The following MAML3 variants were observed in gnomAD, a reference collection of about 807,000 sequenced individuals.
MAML3 encodes the protein mastermind like transcriptional coactivator 3, also known as mastermind-like protein 3.
In MAML3, 27 loss-of-function variants were observed where a neutral mutation model predicts 101.9. The ratio of observed to expected loss-of-function variants is 0.27; its 90% CI spans 0.20 to 0.37. MAML3 has a LOEUF of 0.37. Ranked by LOEUF, MAML3 falls within the 10% of genes least tolerant of loss-of-function variation. The pLI is 1.00. For missense variants in MAML3, 1,316 were observed against 1,444.9 expected, an observed-to-expected ratio of 0.91 and a Z score of 1.45; for synonymous variants, 501 against 555.9, an observed-to-expected ratio of 0.90 and a Z score of 1.39.
At chr4:140,022,608 T>C (rs1252571317) in intron 1 of MAML3, among the ~76,000 whole-genome samples, 1 of 152,170 alleles carries the variant, frequency 6.6e-6, no homozygotes, top group African/African-American at 2.4e-5. Context: ...ATTAACTTGG[T>C]TCTAGAAATA....
intron 1 of MAML3, among the ~76,000 whole-genome samples, chr4:140,123,129 TACAG>T (rs1728635294): frequency 6.7e-6 from 1 of 148,554 alleles, no homozygotes; most frequent in Non-Finnish European, 1.5e-5. Flanking sequence ...TTTTTAAAGA[TACAG>T]CTACAATCAA....
Position 139,798,036 on chromosome 4 carries a change from GAAAGAA to G in MAML3, c.2080-67375_2080-67370del, listed in dbSNP as rs1344648283. ...AGGAAGGAAAGAAAGGAGAGAGAGAGAAAGAAAGAAAGAAAGAAAGAAAGAAAGAAA... is the reference window on the plus strand; with the variant it reads ...AGGAAGGAAAGAAAGGAGAGAGAGAGAGAAAGAAAGAAAGAAAGAAAGAAA... On this transcript the variant is annotated intron_variant, in intron 2 of 4. Transcript: ENST00000509479. Among the ~76,000 whole-genome samples the G allele has an allele frequency of 3.8e-4, 3 of 7,830 alleles. No individual in the cohort carries two copies. In the East Asian group the frequency reaches 0.033, roughly 85 times the overall value. 5.1% of individuals were successfully genotyped at this position (7,830 alleles called of 152,430 possible). A position where few individuals can be genotyped will look rare whatever the true frequency, so the allele number is the denominator to read the frequency against.
At chr4:139,845,230 AAAG>A (rs1430190449) in intron 2 of MAML3, among the ~76,000 whole-genome samples, 5 of 152,332 alleles carry the variant, frequency 3.3e-5, no homozygotes, top group South Asian at 2.1e-4. Flanking sequence ...AGAAGATGGG[AAAG>A]AAGAAGTGAG....
intron 2 of MAML3, among the ~76,000 whole-genome samples, chr4:139,746,798 T>C (rs1729338121): frequency 6.6e-6 from 1 of 152,210 alleles, no homozygotes; most frequent in Non-Finnish European, 1.5e-5. Flanking sequence ...CAAACTATGA[T>C]TATGTTTTCT....
chr4:140,114,804 T>C (rs1172601711), intron 1 of MAML3, among the ~76,000 whole-genome samples: 4 of 152,308 alleles, frequency 2.6e-5, no homozygotes, highest in African/African-American at 9.6e-5. Context: ...TACTGTGGAG[T>C]GTACCTTTAA....
At chr4:139,972,057 T>G (rs1734242637) in intron 1 of MAML3, among the ~76,000 whole-genome samples, 1 of 152,252 alleles carries the variant, frequency 6.6e-6, no homozygotes, top group South Asian at 2.1e-4. Context: ...TTCTTTTTTT[T>G]TAAAATTTCC....
chr4:140,093,674 C>T (rs1282030282), intron 1 of MAML3, among the ~76,000 whole-genome samples: 3 of 151,976 alleles, frequency 2.0e-5, no homozygotes, highest in Non-Finnish European at 2.9e-5. Context: ...GTGATCCGCC[C>T]GTCTCGGCCG....
At chr4:139,780,327 A>G (rs578249458) in intron 2 of MAML3, among the ~76,000 whole-genome samples, 3 of 152,312 alleles carry the variant, frequency 2.0e-5, no homozygotes, top group East Asian at 3.9e-4. Flanking sequence ...GCGGTAAAGA[A>G]GAGAATTGGG....
chr4:139,993,152 G>A (rs927429274), intron 1 of MAML3, among the ~76,000 whole-genome samples: 1 of 152,064 alleles, frequency 6.6e-6, no homozygotes, highest in African/African-American at 2.4e-5. Flanking sequence ...AGGAGTTGGA[G>A]ATCAGCCTGG....
intron 2 of MAML3, among the ~76,000 whole-genome samples, chr4:139,804,328 G>A (rs1010486967): frequency 1.1e-4 from 16 of 151,172 alleles, no homozygotes; most frequent in Admixed American, 2.0e-4. Context: ...GTGCAATGGC[G>A]TGATCTTGAC....
At chr4:139,892,719 A>T (rs1732526138) in intron 1 of MAML3, among the ~76,000 whole-genome samples, 1 of 151,552 alleles carries the variant, frequency 6.6e-6, no homozygotes, top group Non-Finnish European at 1.5e-5. Flanking sequence ...CGGTCAGGAG[A>T]TTGAGACCAC....
intron 1 of MAML3, among the ~76,000 whole-genome samples, chr4:140,073,387 G>A (rs532600901): frequency 1.3e-5 from 2 of 151,994 alleles, no homozygotes; most frequent in African/African-American, 2.4e-5. Flanking sequence ...ATCCACCCAC[G>A]TAGGTCTCCC....
intron 1 of MAML3, among the ~76,000 whole-genome samples, chr4:139,894,511 AAAAGAAAGAAAGAAAGAAAGAAAGAAAG>A (rs58209239): frequency 1.5e-5 from 2 of 136,388 alleles, no homozygotes; most frequent in African/African-American, 5.6e-5. Context: ...TCCATCTTAA[AAAAGAAAGAAAGAAAGAAAGAAAGAAAG>A]AAAGAAAGAA....
At chr4:139,827,372 C>A (rs765735420) in intron 2 of MAML3, among the ~76,000 whole-genome samples, 6 of 152,288 alleles carry the variant, frequency 3.9e-5, no homozygotes, top group Non-Finnish European at 8.8e-5. Context: ...TGAAAAGGAG[C>A]TGTGGACTGG....
At chr4:140,119,540 AT>A (rs918850044) in intron 1 of MAML3, among the ~76,000 whole-genome samples, 4 of 150,988 alleles carry the variant, frequency 2.6e-5, no homozygotes, top group Admixed American at 2.0e-4. Flanking sequence ...GGGATACACA[AT>A]TTTTTTTTCT....
At chr4:140,152,811 A>ACCCCCCCCCC in intron 1 of MAML3, 49 bp downstream of exon 1, 1 of 1,511,934 alleles carries the variant, frequency 6.6e-7, no homozygotes, top group Non-Finnish European at 8.9e-7. Flanking sequence ...CCCCACCACC[A>ACCCCCCCCCC]CCACCACCCC....
chr4:140,055,600 G>A (rs980029186), intron 1 of MAML3, among the ~76,000 whole-genome samples: 8 of 152,186 alleles, frequency 5.3e-5, no homozygotes, highest in African/African-American at 1.9e-4. Flanking sequence ...TTCAAAAGGA[G>A]CTTAGAAACA....
chr4:139,897,270 C>T (rs190828255), intron 1 of MAML3, among the ~76,000 whole-genome samples: 1 of 152,344 alleles, frequency 6.6e-6, no homozygotes, highest in East Asian at 1.9e-4. Flanking sequence ...AATCATCTTG[C>T]AGAGGCATCG....
chr4:140,132,023 G>A lies in MAML3; in HGVS notation c.468+20837C>T, dbSNP rs557491948. Among the ~76,000 whole-genome samples the A allele has an allele frequency of 2.6e-5, 4 of 152,342 alleles. No homozygotes were observed. In the South Asian group the frequency reaches 8.3e-4, roughly 32 times the overall value. On this transcript the variant is annotated intron_variant, in intron 1 of 4. Transcript: ENST00000509479. Reference sequence around the variant, plus strand: ...CTGCAGTCATGAGTGTGTATGTGCGGCAATTGGATAAACAGGTCTTGTTCA... The same window carrying A: ...CTGCAGTCATGAGTGTGTATGTGCGACAATTGGATAAACAGGTCTTGTTCA...
Sources: allele counts gnomAD v4.1 joint callset (sites outside exome capture counted in the v4.1 genomes callset), GRCh38; gene constraint gnomAD v4.1.1; transcripts MANE v1.5; gene names NCBI Gene and HGNC (gene_info 2026-07-23, HGNC 2026-07-21).